The following SPHKAP variants were observed in gnomAD, a reference collection of about 807,000 sequenced individuals.
The protein encoded by SPHKAP is A-kinase anchor protein SPHKAP.
SPHKAP carries 67 observed loss-of-function variants against 137.5 expected under a neutral mutation model. The ratio of observed to expected loss-of-function variants is 0.49; its 90% confidence interval spans 0.40 to 0.60. The LOEUF is 0.60. SPHKAP is among the 20% of genes least tolerant of loss of function. The probability of loss-of-function intolerance (pLI) is 0.00; values close to 1 mark genes in which losing one functional copy is unlikely to be tolerated. For synonymous variants in SPHKAP, 813 were observed against 785.3 expected, an observed-to-expected ratio of 1.04 and a Z score of -0.59; for missense variants, 2,097 against 2,069.3, an observed-to-expected ratio of 1.01 and a Z score of -0.26.
rs1397897017 is a variant in SPHKAP at position 227,980,873 on chromosome 2, CAATAA to C, written c.*839_*843del. On this transcript the variant is annotated 3_prime_UTR_variant, in exon 12 of 12. Coordinates refer to ENST00000392056, the MANE Select transcript of SPHKAP (RefSeq NM_001142644.2). ...AAGACAATAATCTCTTTATAATTTA[CAATAA>C]AATAAAGTGAAAGTTTGTATTTCAT... 4.6e-5 allele frequency: 7 copies of C among 152,098 alleles called. No homozygotes were observed. The highest frequency in any genetic ancestry group is 4.1e-4 in the South Asian group (2 of 4,832). 9.4% of individuals were successfully genotyped at this position (152,098 alleles called of 1,614,324 possible).
chr2:227,983,391 A>T (rs570649685), intron 11 of SPHKAP, among the ~76,000 whole-genome samples: 2 of 152,346 alleles, frequency 1.3e-5, no homozygotes, highest in East Asian at 3.9e-4. Flanking sequence ...GACATCCTTA[A>T]CTTTTAATAC....
At chr2:228,040,862 A>G (rs1683697687) in intron 3 of SPHKAP, among the ~76,000 whole-genome samples, 2 of 152,198 alleles carry the variant, frequency 1.3e-5, no homozygotes, top group South Asian at 4.1e-4. Context: ...TCTGATGTAC[A>G]TTTACTAGAT....
In SPHKAP at chr2:228,018,817, G is replaced by A. The variant is rs866878386; in HGVS notation, c.2037C>T (p.Ser679=). The A allele has an allele frequency of 6.2e-7, 1 of 1,614,064 alleles. No homozygotes were observed. Among genetic ancestry groups the A allele is most frequent in the African/African-American group, 1.3e-5 (1 of 74,912 alleles). Reference sequence around the variant, plus strand: ...TATTTTTGTGGTGAACTTCATCAATGGAATGCCTCAGGATAACATTGGACA... The same window carrying A: ...TATTTTTGTGGTGAACTTCATCAATAGAATGCCTCAGGATAACATTGGACA... ...HTLSNVILRH[S]IDEVHHKNMI... The change falls in exon 7 of 12, where the codon TCC becomes TCT. Residue 679 remains serine (S), a synonymous_variant. Transcript: ENST00000392056.
At position 227,981,610 on chromosome 2, in the gene SPHKAP, TGCTAA is replaced by T; in HGVS notation, c.*102_*106del. The T allele has an allele frequency of 7.1e-7, 1 of 1,413,506 alleles. No homozygotes were observed. The highest frequency in any genetic ancestry group is 9.5e-7 in the Non-Finnish European group (1 of 1,053,380). 87.6% of individuals were successfully genotyped at this position (1,413,506 alleles called of 1,614,324 possible). The stretch of plus-strand genomic sequence containing the variant: ...AGTAGCAGATTTTTTTTTATAGTTC[TGCTAA>T]TGTGATGTGATGTTTTGAGAATGTT... On this transcript the variant is annotated 3_prime_UTR_variant, in exon 12 of 12. Coordinates refer to ENST00000392056, the MANE Select transcript of SPHKAP (RefSeq NM_001142644.2).
At chr2:228,037,296 G>A (rs1695659278) in intron 3 of SPHKAP, among the ~76,000 whole-genome samples, 1 of 152,130 alleles carries the variant, frequency 6.6e-6, no homozygotes, top group Non-Finnish European at 1.5e-5. Context: ...GGTTGACTGG[G>A]CATCAAAGAG....
At chr2:228,149,179 T>C (rs983990618) in intron 1 of SPHKAP, among the ~76,000 whole-genome samples, 3 of 152,216 alleles carry the variant, frequency 2.0e-5, no homozygotes, top group East Asian at 1.9e-4. Context: ...TTTATGAACA[T>C]TTATTTCAGC....
chr2:228,040,836 A>C (rs1050172966), intron 3 of SPHKAP, among the ~76,000 whole-genome samples: 1 of 152,234 alleles, frequency 6.6e-6, no homozygotes, highest in Non-Finnish European at 1.5e-5. Flanking sequence ...AATCGAGGAT[A>C]CACTTATATG....
rs1186675947 is a variant in SPHKAP, at chr2:228,016,632, A to T, written c.4222T>A (p.Cys1408Ser). The T allele has an allele frequency of 6.2e-7, 1 of 1,613,740 alleles. No homozygotes were observed. The highest frequency in any genetic ancestry group is 1.7e-5 in the Admixed American group (1 of 59,896). ...PLDSKKETSS[C>S]QDPVPINHKR... is the part of the protein sequence containing the mutation. Reference sequence around the variant, plus strand: ...TGGTTTATTGGTACAGGGTCCTGGCACGAGGAAGTTTCTTTTTTAGAATCT... The same window carrying T: ...TGGTTTATTGGTACAGGGTCCTGGCTCGAGGAAGTTTCTTTTTTAGAATCT... Residue 1408 changes from cysteine to serine, a missense_variant, in exon 7 of 12, where the codon TGC (cysteine) becomes AGC (serine). By Grantham distance (112) the Cys-to-Ser change is moderately radical (BLOSUM62 -1). Coordinates refer to ENST00000392056, the MANE Select transcript of SPHKAP (RefSeq NM_001142644.2).
Position 227,984,048 on chromosome 2 carries a change from C to A in SPHKAP, c.4960-2188G>T, listed in dbSNP as rs987611661. On this transcript the variant is annotated intron_variant, in intron 11 of 11. Transcript: ENST00000392056. Reference sequence around the variant, plus strand: ...GGGTTCGGTGGCTCACGCCTGTAATCCTGGCACTTTGGGAGGCTGAGGCAG... The same window carrying A: ...GGGTTCGGTGGCTCACGCCTGTAATACTGGCACTTTGGGAGGCTGAGGCAG... 2.6e-5 allele frequency among the ~76,000 whole-genome samples: 4 copies of A among 152,068 alleles called. No homozygotes were observed. The East Asian group carries it at 7.7e-4, about 29-fold the overall frequency.
intron 1 of SPHKAP, among the ~76,000 whole-genome samples, chr2:228,153,861 C>A (rs528678677): frequency 5.9e-5 from 9 of 152,122 alleles, no homozygotes; most frequent in East Asian, 3.9e-4. Context: ...ACAGCGCCAG[C>A]GGGCTTAAAG....
intron 1 of SPHKAP, among the ~76,000 whole-genome samples, chr2:228,156,041 C>T (rs1700098548): frequency 6.6e-6 from 1 of 152,102 alleles, no homozygotes; most frequent in Non-Finnish European, 1.5e-5. Flanking sequence ...AATGTCTTCC[C>T]TTGTGAAGGA....
At chr2:228,154,119 TC>T in intron 1 of SPHKAP, among the ~76,000 whole-genome samples, 1 of 152,266 alleles carries the variant, frequency 6.6e-6, no homozygotes, top group East Asian at 1.9e-4. Flanking sequence ...CCATCTACTT[TC>T]TCTTTTCTCA....
chr2:227,998,767 G>A (rs374087926), intron 7 of SPHKAP, among the ~76,000 whole-genome samples: 3 of 152,088 alleles, frequency 2.0e-5, no homozygotes, highest in Non-Finnish European at 2.9e-5. Context: ...AGGATGTGCC[G>A]AGGCCTCAGT....
chr2:227,982,236 A>G (rs929348849), intron 11 of SPHKAP: 2 of 985,062 alleles, frequency 2.0e-6, no homozygotes, highest in Non-Finnish European at 2.4e-6. Context: ...AGTCCCTTCT[A>G]TTTCTATCAC....
intron 2 of SPHKAP, among the ~76,000 whole-genome samples, chr2:228,110,348 A>T (rs56238818): frequency 0.34 from 52,337 of 151,772 alleles, 9,300 homozygotes; most frequent in East Asian, 0.5. Flanking sequence ...ATATAATCGC[A>T]TATCAAAATA....
At chr2:228,000,009 T>C (rs1048578692) in intron 7 of SPHKAP, among the ~76,000 whole-genome samples, 11 of 152,224 alleles carry the variant, frequency 7.2e-5, no homozygotes, top group Middle Eastern at 3.2e-3. Context: ...GACAAATGTA[T>C]AATGACTAAT....
intron 3 of SPHKAP, among the ~76,000 whole-genome samples, chr2:228,092,870 G>T (rs1026426692): frequency 6.6e-6 from 1 of 151,890 alleles, no homozygotes; most frequent in Non-Finnish European, 1.5e-5. Context: ...GGATGCAAAG[G>T]CATGAGAACA....
chr2:228,026,886 G>A (rs1362811703), intron 4 of SPHKAP, among the ~76,000 whole-genome samples: 2 of 152,190 alleles, frequency 1.3e-5, no homozygotes, highest in Non-Finnish European at 2.9e-5. Context: ...ACATTAAACA[G>A]TATTACACCA....
At chr2:228,008,878 T>C (rs920957226) in intron 7 of SPHKAP, among the ~76,000 whole-genome samples, 1 of 152,184 alleles carries the variant, frequency 6.6e-6, no homozygotes, top group Admixed American at 6.5e-5. Context: ...CTACTATAGC[T>C]GTAGAGTAAA....
Sources: gnomAD v4.1 joint callset for allele counts (sites outside exome capture counted in the v4.1 genomes callset) on GRCh38, gnomAD v4.1.1 for gene constraint, MANE v1.5 for transcripts, NCBI Gene and HGNC (gene_info 2026-07-23, HGNC 2026-07-21) for gene names.